Variants in HNF4A observed in about 807,000 individuals in gnomAD.
HNF4A encodes hepatocyte nuclear factor 4-alpha.
Under a neutral mutation model 52.4 loss-of-function variants are expected in HNF4A, and 15 were observed. The ratio of observed to expected loss-of-function variants is 0.29; its 90% CI spans 0.19 to 0.44. The LOEUF is 0.44. HNF4A is among the 20% of genes least tolerant of loss of function. The pLI is 1.00. For missense variants in HNF4A, 479 were observed against 647.2 expected (o/e 0.74, Z 2.82); for synonymous variants, 280 against 264.4 (o/e 1.06, Z -0.57).
At position 44,414,530 on chromosome 20, in the gene HNF4A, C is replaced by T. The variant is rs773473316; in HGVS notation, c.516C>T (p.Ile172=). ...AGATCACCTCCCCCGTCTCCGGGAT[C>T]AACGGCGACATTCGGGCGAAGAAGA... Residue 172 remains isoleucine, a synonymous_variant, in exon 5 of 10, where the codon ATC becomes ATT. Coordinates refer to ENST00000316099, the MANE Select transcript of HNF4A (RefSeq NM_000457.6). 3 of 1,614,112 alleles carry T rather than the reference C, an allele frequency of 1.9e-6. No homozygotes were observed. The highest frequency in any genetic ancestry group is 1.7e-5 in the Admixed American group (1 of 60,012).
intron 1 of HNF4A, among the ~76,000 whole-genome samples, chr20:44,360,683 C>T (rs1383299530): frequency 6.6e-6 from 1 of 152,168 alleles, no homozygotes; most frequent in African/African-American, 2.4e-5. Flanking sequence ...TCCATCAGGG[C>T]AATACTGTAT....
chr20:44,392,011 C>T (rs999994221), intron 1 of HNF4A: 1 of 152,178 alleles, frequency 6.6e-6, no homozygotes, highest in Non-Finnish European at 1.5e-5. Context: ...ACACATACCT[C>T]AATAATATGA....
At chr20:44,421,675 A>C (rs2063745989) in intron 7 of HNF4A, among the ~76,000 whole-genome samples, 1 of 151,310 alleles carries the variant, frequency 6.6e-6, no homozygotes. Flanking sequence ...AATCGCTTGA[A>C]CCTGGGAGGC....
chr20:44,355,983 C>A, intron 1 of HNF4A, 130 bp downstream of exon 1: 2 of 786,740 alleles, frequency 2.5e-6, no homozygotes, highest in Non-Finnish European at 4.1e-6. Flanking sequence ...GGGCAGGAAG[C>A]CCCACGGAGG....
In HNF4A at chr20:44,385,920, C is replaced by T. The variant is rs181577356; in HGVS notation, c.50-20138C>T. ...TGGCGCCCAGGCTGGAGTGCAGTGG[C>T]ACGATCTTCACTCACTGGAACCTCC... On this transcript the variant is annotated intron_variant, in intron 1 of 9. Coordinates refer to the HNF4A transcript ENST00000316673. 4.8e-3 allele frequency among the ~76,000 whole-genome samples: 725 copies of T among 152,140 alleles called. 5 individuals are homozygous for T. The highest frequency in any genetic ancestry group is 0.016 in the African/African-American group (682 of 41,506).
chr20:44,424,694 C>G, intron 8 of HNF4A: 4 of 1,012,626 alleles, frequency 4.0e-6, no homozygotes, highest in Non-Finnish European at 5.2e-6. Context: ...CAGGAGACCT[C>G]TCTGAAGTGG....
At chr20:44,424,761 G>C (rs1568742181) in intron 8 of HNF4A, 1 of 355,606 alleles carries the variant, frequency 2.8e-6, no homozygotes, top group African/African-American at 2.1e-5. Context: ...TAAAAGACAA[G>C]AGAGGAATAT....
rs138787421 is a variant in HNF4A at position 44,378,350 on chromosome 20, C to T, written c.49+22497C>T. ...TGGCGTGATCTCGGCTCACTACAAC[C>T]TCCACCTCCCAGGTTCAAGTGATTT... On this transcript the variant is annotated intron_variant, in intron 1 of 9. Coordinates refer to the HNF4A transcript ENST00000316673. 3.5e-3 allele frequency among the ~76,000 whole-genome samples: 536 copies of T among 151,642 alleles called. 8 individuals are homozygous for T. The highest frequency in any genetic ancestry group is 0.012 in the African/African-American group (482 of 41,230).
At chr20:44,361,027 G>T (rs1199274010) in intron 1 of HNF4A, among the ~76,000 whole-genome samples, 2 of 152,088 alleles carry the variant, frequency 1.3e-5, no homozygotes, top group Non-Finnish European at 2.9e-5. Flanking sequence ...GGCTGGCTAT[G>T]GGACCGTGTC....
At chr20:44,380,397 T>A (rs1300607134) in intron 1 of HNF4A, among the ~76,000 whole-genome samples, 2 of 152,188 alleles carry the variant, frequency 1.3e-5, no homozygotes, top group African/African-American at 2.4e-5. Context: ...TTGACTCAAG[T>A]GGTCCTCCCA....
chr20:44,419,786 A>C lies in HNF4A; in HGVS notation c.802A>C (p.Ile268Leu). Residue 268 changes from isoleucine (I) to leucine (L), a missense_variant, in exon 7 of 10, where the codon ATC becomes CTC. Ile to Leu is a conservative substitution (Grantham distance 5). Coordinates refer to ENST00000316099, the MANE Select transcript of HNF4A (RefSeq NM_000457.6). ...GGAGATGAGCCGGGTGTCCATACGC[A>C]TCCTTGACGAGCTGGTGCTGCCCTT... is the stretch of plus-strand genomic sequence containing the variant. The C allele has an allele frequency of 1.2e-6, 2 of 1,613,378 alleles. No homozygotes were observed. The highest frequency in any genetic ancestry group is 2.2e-5 in the South Asian group (2 of 91,048).
At chr20:44,368,160 A>ATTTTGTTTTT (rs2062993023) in intron 1 of HNF4A, among the ~76,000 whole-genome samples, 1 of 27,774 alleles carries the variant, frequency 3.6e-5, no homozygotes, top group Non-Finnish European at 6.0e-5. Context: ...ATATATATAT[A>ATTTTGTTTTT]TTTTTTTTTT....
chr20:44,378,950 G>T lies in HNF4A; in HGVS notation c.49+23097G>T, dbSNP rs145069307. The stretch of plus-strand genomic sequence containing the variant: ...AAAAAAAAAAGAAAAGAAAAGAAAA[G>T]AAAATAGTTCTCCTTTCTTCCCAGG... On this transcript the variant is annotated intron_variant, in intron 1 of 9. Coordinates refer to the HNF4A transcript ENST00000316673. 3.0e-3 allele frequency among the ~76,000 whole-genome samples: 445 copies of T among 150,434 alleles called. 1 individual carries two copies. Among genetic ancestry groups the T allele is most frequent in the African/African-American group, 9.2e-3 (376 of 41,026 alleles).
intron 1 of HNF4A, among the ~76,000 whole-genome samples, chr20:44,364,130 T>C (rs1410635354): frequency 6.6e-6 from 1 of 152,192 alleles, no homozygotes; most frequent in Non-Finnish European, 1.5e-5. Flanking sequence ...CGTGTTCAAA[T>C]GGACTAGGGC....
chr20:44,429,686 G>T lies in HNF4A; in HGVS notation c.*21G>T. On this transcript the variant is annotated 3_prime_UTR_variant, in exon 10 of 10. Transcript: ENST00000316099. ...TCTAGCAAGCCGCTGGGGCTTGGGG[G>T]CTCCACTGGCTCCCCCCAGCCCCCT... 2 of 1,613,418 alleles carry T rather than the reference G, an allele frequency of 1.2e-6. No individual in the cohort carries two copies. Among genetic ancestry groups the T allele is most frequent in the Non-Finnish European group, 1.7e-6 (2 of 1,179,500 alleles).
chr20:44,429,118 G>C (rs1191982141), intron 9 of HNF4A, among the ~76,000 whole-genome samples: 3 of 152,156 alleles, frequency 2.0e-5, no homozygotes, highest in Non-Finnish European at 4.4e-5. Flanking sequence ...TCCAAGAAAT[G>C]GTATTTTTTG....
At chr20:44,426,194 G>A (rs1210083212) in intron 8 of HNF4A, among the ~76,000 whole-genome samples, 1 of 152,110 alleles carries the variant, frequency 6.6e-6, no homozygotes, top group African/African-American at 2.4e-5. Flanking sequence ...GTGTTTAATG[G>A]TGTTAAACTC....
chr20:44,408,478 A>G (rs2063534456), intron 3 of HNF4A, among the ~76,000 whole-genome samples: 1 of 152,206 alleles, frequency 6.6e-6, no homozygotes, highest in Non-Finnish European at 1.5e-5. Context: ...TAATCCCAGC[A>G]CTTTGGGAGG....
intron 1 of HNF4A, among the ~76,000 whole-genome samples, chr20:44,396,031 C>CAGTG (rs746519686): frequency 6.6e-6 from 1 of 152,160 alleles, no homozygotes; most frequent in Non-Finnish European, 1.5e-5. Context: ...AAGACTGAGG[C>CAGTG]AGTGAAACCA....
Sources: gnomAD v4.1 joint callset for allele counts (sites outside exome capture counted in the v4.1 genomes callset) on GRCh38, gnomAD v4.1.1 for gene constraint, MANE v1.5 for transcripts, NCBI Gene and HGNC (gene_info 2026-07-23, HGNC 2026-07-21) for gene names.